The following SAMM50 variants were observed in gnomAD, a reference collection of about 807,000 sequenced individuals.
SAMM50 encodes SAMM50 sorting and assembly machinery component, also known as sorting and assembly machinery component 50 homolog.
In SAMM50, 47 loss-of-function variants were observed where a neutral mutation model predicts 66.9. That is an observed-to-expected ratio of 0.70 (90% CI 0.56 to 0.90). SAMM50 has a LOEUF of 0.90. Among genes scored for constraint, SAMM50 ranks in the 40% least tolerant of loss-of-function variants. SAMM50 has a pLI of 0.00. For missense variants in SAMM50, 535 were observed against 595.3 expected, an observed-to-expected ratio of 0.90 and a Z score of 1.05; for synonymous variants, 191 against 214.1, an observed-to-expected ratio of 0.89 and a Z score of 0.94.
At chr22:43,970,541 A>G (rs561750321) in intron 4 of SAMM50, among the ~76,000 whole-genome samples, 34 of 152,164 alleles carry the variant, frequency 2.2e-4, no homozygotes, top group Admixed American at 1.2e-3. Context: ...CCAGGACTTA[A>G]TCACTTGGCC....
chr22:43,981,554 A>C, intron 11 of SAMM50, 93 bp downstream of exon 11: 8 of 858,082 alleles, frequency 9.3e-6, no homozygotes, highest in Non-Finnish European at 1.4e-5. Flanking sequence ...AAGTTTATTT[A>C]GGAGAGCATA....
At chr22:43,978,012 C>CT (rs2050242130) in intron 10 of SAMM50, 54 bp downstream of exon 10, 1 of 1,198,640 alleles carries the variant, frequency 8.3e-7, no homozygotes, top group Non-Finnish European at 1.2e-6. Flanking sequence ...CTTTGGGGAT[C>CT]TTACCACAGA....
chr22:43,957,171 A>G (rs2050123912), intron 1 of SAMM50: 1 of 736,706 alleles, frequency 1.4e-6, no homozygotes, highest in Non-Finnish European at 2.5e-6. Flanking sequence ...ATGTATACAA[A>G]GCAAAGAACA....
In SAMM50 at chr22:43,977,971, C is replaced by A; in HGVS notation, c.936+13C>A. ...CATATTTGATTCAGTGAGTATCTAA[C>A]GGATGCTGGCACCTGCACTGTCAGC... On this transcript the variant is annotated intron_variant, in intron 10 of 14. Coordinates refer to ENST00000350028, the MANE Select transcript of SAMM50 (RefSeq NM_015380.5). The A allele has an allele frequency of 1.3e-6, 2 of 1,560,910 alleles. No individual in the cohort carries two copies. The highest frequency in any genetic ancestry group is 1.8e-6 in the Non-Finnish European group (2 of 1,133,622).
At position 43,981,385 on chromosome 22, in the gene SAMM50, G is replaced by A; in HGVS notation, c.937-6G>A. The A allele has an allele frequency of 6.2e-7, 1 of 1,612,128 alleles. No individual in the cohort carries two copies. The highest frequency in any genetic ancestry group is 1.1e-5 in the South Asian group (1 of 90,976). The stretch of plus-strand genomic sequence containing the variant: ...AGAAAACAACCATTTGTTTCTATTT[G>A]AACAGGTTTTTTCAGCGTCTTTCTG... On this transcript the variant is annotated splice_region_variant and splice_polypyrimidine_tract_variant and intron_variant, in intron 10 of 14. Coordinates refer to ENST00000350028, the MANE Select transcript of SAMM50 (RefSeq NM_015380.5).
intron 3 of SAMM50, among the ~76,000 whole-genome samples, chr22:43,967,765 T>C (rs181110976): frequency 1.0e-3 from 157 of 152,322 alleles, no homozygotes; most frequent in African/African-American, 3.5e-3. Context: ...ATCTCAACTT[T>C]CCTTATCACA....
intron 7 of SAMM50, 115 bp downstream of exon 7, chr22:43,973,438 G>A (rs1327029772): frequency 1.3e-5 from 9 of 667,614 alleles, no homozygotes; most frequent in African/African-American, 1.1e-4. Context: ...TCTGCCCTCC[G>A]CACCAGGTAC....
intron 1 of SAMM50, chr22:43,957,262 A>G (rs2050124372): frequency 4.5e-6 from 3 of 663,798 alleles, no homozygotes; most frequent in Admixed American, 2.3e-5. Context: ...AAACAATGGC[A>G]TGATTCGTGC....
At chr22:43,977,997 C>A in intron 10 of SAMM50, 39 bp downstream of exon 10, 1 of 1,370,768 alleles carries the variant, frequency 7.3e-7, no homozygotes, top group South Asian at 1.2e-5. Context: ...CACTGTCAGC[C>A]CTTACTTTGG....
chr22:43,982,643 G>A (rs2050270517), intron 11 of SAMM50, among the ~76,000 whole-genome samples: 1 of 152,136 alleles, frequency 6.6e-6, no homozygotes, highest in African/African-American at 2.4e-5. Context: ...TTTTATTTAT[G>A]TATGTTTTTT....
intron 4 of SAMM50, among the ~76,000 whole-genome samples, 185 bp downstream of exon 4, chr22:43,969,003 T>G (rs1338213936): frequency 6.6e-6 from 1 of 152,168 alleles, no homozygotes; most frequent in Non-Finnish European, 1.5e-5. Context: ...TTTTGTTTGT[T>G]TTTGGAGAGG....
chr22:43,956,152 T>C (rs1031915193), intron 1 of SAMM50, among the ~76,000 whole-genome samples: 1 of 152,180 alleles, frequency 6.6e-6, no homozygotes, highest in Non-Finnish European at 1.5e-5. Context: ...TAAAAGACAA[T>C]GCATGTGAAT....
Position 43,964,500 on chromosome 22 carries a change from G to A in SAMM50, c.181G>A (p.Asp61Asn), listed in dbSNP as rs763765385. Residue 61 changes from aspartate to asparagine, a missense_variant, in exon 3 of 15, where the codon GAT becomes AAT. Physicochemically the swap from Asp to Asn is conservative, Grantham distance 23. Coordinates refer to ENST00000350028, the MANE Select transcript of SAMM50 (RefSeq NM_015380.5). ...TGATGGACTTGGAAGGACTAAAGAT[G>A]ATATCATCATTTGTGAAATTGGAGA... ...HFDGLGRTKD[D>N]IIICEIGDVF... 1 of 1,612,948 alleles carries A rather than the reference G, an allele frequency of 6.2e-7. No individual in the cohort carries two copies. The highest frequency in any genetic ancestry group is 1.7e-5 in the Admixed American group (1 of 60,002).
intron 1 of SAMM50, among the ~76,000 whole-genome samples, chr22:43,961,933 G>A (rs997509702): frequency 6.6e-6 from 1 of 151,732 alleles, no homozygotes; most frequent in African/African-American, 2.4e-5. Context: ...TAGAGATGAA[G>A]TCTCCTATAT....
intron 12 of SAMM50, among the ~76,000 whole-genome samples, chr22:43,984,255 C>T (rs547680203): frequency 1.8e-4 from 27 of 152,210 alleles, no homozygotes; most frequent in Non-Finnish European, 3.7e-4. Context: ...CATGTGTAAA[C>T]GTGTTGTTGT....
chr22:43,964,394 T>C, intron 2 of SAMM50, 58 bp from the exon 3 acceptor site: 1 of 831,004 alleles, frequency 1.2e-6, no homozygotes, highest in South Asian at 1.6e-5. Flanking sequence ...TCTTTAGTCT[T>C]GACACCTAAT....
intron 10 of SAMM50, among the ~76,000 whole-genome samples, chr22:43,978,369 A>G (rs2050244612): frequency 7.3e-6 from 1 of 137,656 alleles, no homozygotes; most frequent in Non-Finnish European, 1.5e-5. Context: ...CCGGAGGCAG[A>G]GCTTGCAGTG....
chr22:43,990,672 T>G (rs987319387), intron 14 of SAMM50, among the ~76,000 whole-genome samples: 1 of 151,430 alleles, frequency 6.6e-6, no homozygotes, highest in African/African-American at 2.4e-5. Flanking sequence ...CCTGCCAGGG[T>G]CTGGCTGGAG....
chr22:43,982,759 C>T (rs1027489791), intron 11 of SAMM50, among the ~76,000 whole-genome samples: 5 of 152,186 alleles, frequency 3.3e-5, no homozygotes, highest in African/African-American at 1.2e-4. Flanking sequence ...CCCCAGCCTC[C>T]CAAGTAGCTG....
Sources: allele counts gnomAD v4.1 joint callset (sites outside exome capture counted in the v4.1 genomes callset), GRCh38; gene constraint gnomAD v4.1.1; transcripts MANE v1.5; gene names NCBI Gene and HGNC (gene_info 2026-07-23, HGNC 2026-07-21).